Variants in JARID2 observed in about 807,000 individuals in gnomAD.
The protein encoded by JARID2 is protein Jumonji.
In JARID2, 21 loss-of-function variants were observed where a neutral mutation model predicts 125.6. The observed-to-expected ratio is 0.17, with a 90% confidence interval of 0.12 to 0.24. The LOEUF (loss-of-function observed/expected upper bound fraction) is 0.24. Ranked by LOEUF, JARID2 falls within the 10% of genes least tolerant of loss-of-function variation. JARID2 has a pLI of 1.00. For missense variants in JARID2, 1,303 were observed against 1,639.6 expected (o/e 0.79, Z 3.55); for synonymous variants, 736 against 661.6 (o/e 1.11, Z -1.73).
chr6:15,413,023 G>GTTTTTTTTTTTTTTTT (rs1349875486), intron 3 of JARID2, among the ~76,000 whole-genome samples: 4 of 68,002 alleles, frequency 5.9e-5, no homozygotes, highest in Non-Finnish European at 7.8e-5. Flanking sequence ...TTTTTTTTTT[G>GTTTTTTTTTTTTTTTT]TTTTTTTTTT....
At chr6:15,508,817 T>G (rs868040323) in intron 12 of JARID2, 27 of 493,832 alleles carry the variant, frequency 5.5e-5, no homozygotes, top group South Asian at 4.4e-4. Flanking sequence ...TCACTTTTTC[T>G]TGTGGATTTC....
At chr6:15,394,333 C>A (rs766647606) in intron 2 of JARID2, among the ~76,000 whole-genome samples, 4 of 152,124 alleles carry the variant, frequency 2.6e-5, no homozygotes, top group African/African-American at 2.4e-5. Flanking sequence ...ATGAGCAAGG[C>A]GAATGCAGTG....
chr6:15,272,138 A>C (rs1459828493), intron 1 of JARID2, among the ~76,000 whole-genome samples: 1 of 152,210 alleles, frequency 6.6e-6, no homozygotes, highest in African/African-American at 2.4e-5. Context: ...AAAACGAAAA[A>C]ACAGCAGAAA....
chr6:15,325,928 C>T (rs1762520140), intron 1 of JARID2, among the ~76,000 whole-genome samples: 1 of 152,168 alleles, frequency 6.6e-6, no homozygotes, highest in South Asian at 2.1e-4. Context: ...AAAGCAGTGC[C>T]ACTTTTCTCA....
chr6:15,372,504 C>T (rs572575472), intron 1 of JARID2, among the ~76,000 whole-genome samples: 3 of 152,086 alleles, frequency 2.0e-5, no homozygotes, highest in East Asian at 1.9e-4. Flanking sequence ...GGACTACAGG[C>T]GTGCACCACC....
chr6:15,481,337 TAAAG>T (rs1344654145), intron 5 of JARID2, among the ~76,000 whole-genome samples: 10 of 152,252 alleles, frequency 6.6e-5, no homozygotes, highest in South Asian at 2.1e-4. Flanking sequence ...TTTCTCTCCT[TAAAG>T]AAACTAGTCC....
chr6:15,513,912 G>A (rs74855405), intron 16 of JARID2, among the ~76,000 whole-genome samples: 2,333 of 152,298 alleles, frequency 0.015, 60 homozygotes, highest in African/African-American at 0.053. Flanking sequence ...CTCAGCCCCC[G>A]AGGACTTCAG....
At chr6:15,469,284 GTCTCTGTCTCTCTGTCTCTGTC>G (rs1768907406) in intron 5 of JARID2, among the ~76,000 whole-genome samples, 6 of 74,908 alleles carry the variant, frequency 8.0e-5, no homozygotes, top group East Asian at 3.1e-4. Context: ...CTGTCTCTCT[GTCTCTGTCTCTCTGTCTCTGTC>G]TCTCTCTCTC....
At chr6:15,497,366 G>A (rs932011137) in intron 7 of JARID2, among the ~76,000 whole-genome samples, 196 bp downstream of exon 7, 3 of 152,318 alleles carry the variant, frequency 2.0e-5, no homozygotes, top group African/African-American at 7.2e-5. Context: ...GGCAGGATAA[G>A]AATGGTATTG....
chr6:15,317,721 C>T (rs778138350), intron 1 of JARID2, among the ~76,000 whole-genome samples: 1 of 152,086 alleles, frequency 6.6e-6, no homozygotes, highest in African/African-American at 2.4e-5. Flanking sequence ...TTTTGAATCT[C>T]AGAAAATGCC....
rs760908477 is a variant in JARID2, at chr6:15,496,815, G to A, written c.1590G>A (p.Pro530=). The A allele has an allele frequency of 3.2e-5, 52 of 1,605,072 alleles. No individual in the cohort carries two copies. In the Admixed American group the frequency reaches 7.7e-4, roughly 24 times the overall value. ...GTGAAAATCGTTCTACCTCGCAACC[G>A]GAGTCCGTGCACAAGCCGCAGGACT... is the stretch of plus-strand genomic sequence containing the variant. ...ASCENRSTSQ[P]ESVHKPQDSG... Residue 530 remains proline, a synonymous_variant, in exon 7 of 18, where the codon CCG becomes CCA. Transcript: ENST00000341776.
intron 5 of JARID2, among the ~76,000 whole-genome samples, chr6:15,472,641 G>A (rs1046410993): frequency 6.6e-6 from 1 of 152,222 alleles, no homozygotes; most frequent in African/African-American, 2.4e-5. Flanking sequence ...CTGTTTGCCT[G>A]CACCTGAACT....
chr6:15,284,427 A>C (rs1365333550), intron 1 of JARID2, among the ~76,000 whole-genome samples: 1 of 152,212 alleles, frequency 6.6e-6, no homozygotes, highest in African/African-American at 2.4e-5. Context: ...TATAGGAAAC[A>C]GCTCTGGGCT....
At chr6:15,299,215 C>G (rs1233874841) in intron 1 of JARID2, among the ~76,000 whole-genome samples, 1 of 152,140 alleles carries the variant, frequency 6.6e-6, no homozygotes, top group East Asian at 1.9e-4. Context: ...TTGAGAAGGA[C>G]CAAAGTCTTG....
chr6:15,332,983 G>A (rs1387623822), intron 1 of JARID2, among the ~76,000 whole-genome samples: 1 of 130,272 alleles, frequency 7.7e-6, no homozygotes, highest in African/African-American at 2.9e-5. Context: ...CCAGGCTGGA[G>A]TGCAGTGGCC....
intron 13 of JARID2, 113 bp from the exon 14 acceptor site, chr6:15,512,095 A>G: frequency 3.5e-6 from 3 of 854,494 alleles, no homozygotes; most frequent in Non-Finnish European, 5.4e-6. Flanking sequence ...TTCCACATAA[A>G]ACAATCTTAT....
chr6:15,277,838 A>G (rs567783970), intron 1 of JARID2, among the ~76,000 whole-genome samples: 1 of 151,888 alleles, frequency 6.6e-6, no homozygotes, highest in South Asian at 2.1e-4. Context: ...GTTCAAGAGA[A>G]AGTTGGCAAA....
chr6:15,437,858 A>T (rs1050819482), intron 3 of JARID2, among the ~76,000 whole-genome samples: 9 of 152,096 alleles, frequency 5.9e-5, no homozygotes, highest in African/African-American at 2.2e-4. Flanking sequence ...CAAAAGGGCG[A>T]TTCTGGGAGG....
chr6:15,424,291 GC>G (rs1489052604), intron 3 of JARID2, among the ~76,000 whole-genome samples: 1 of 150,504 alleles, frequency 6.6e-6, no homozygotes, highest in African/African-American at 2.4e-5. Flanking sequence ...TGATCTTCAA[GC>G]CCTTCTTGGC....
Sources: gnomAD v4.1 joint callset for allele counts (sites outside exome capture counted in the v4.1 genomes callset) on GRCh38, gnomAD v4.1.1 for gene constraint, MANE v1.5 for transcripts, NCBI Gene and HGNC (gene_info 2026-07-23, HGNC 2026-07-21) for gene names.